SCYL2: variants seen among roughly 807,000 people sequenced by gnomAD.
SCYL2 encodes SCY1 like pseudokinase 2.
In SCYL2, 36 loss-of-function variants were observed where a neutral mutation model predicts 100.4. The ratio of observed to expected loss-of-function variants is 0.36; its 90% CI spans 0.27 to 0.47. The LOEUF (loss-of-function observed/expected upper bound fraction) is 0.47, where lower values mean the gene tolerates loss of function less well. Ranked by LOEUF, SCYL2 falls within the 20% of genes least tolerant of loss-of-function variation. The probability of loss-of-function intolerance (pLI) is 1.00; values close to 1 mark genes in which losing one functional copy is unlikely to be tolerated. For synonymous variants in SCYL2, 330 were observed against 359.2 expected (o/e 0.92, Z 0.92); for missense variants, 902 against 1,083.9 (o/e 0.83, Z 2.36).
In SCYL2 at chr12:100,315,557, G is replaced by T; in HGVS notation, c.1096-1G>T. On this transcript the variant is annotated splice_acceptor_variant, in intron 8 of 17. Coordinates refer to ENST00000360820, the MANE Select transcript of SCYL2 (RefSeq NM_017988.6). LOFTEE classifies it high-confidence loss of function. ...TTTTAAAAAACATTTTTGCCTTTCA[G>T]CGTGTCATTGTGCAGAGAATTTTGC... The T allele has an allele frequency of 6.4e-7, 1 of 1,567,846 alleles. No individual in the cohort carries two copies. Among genetic ancestry groups the T allele is most frequent in the Non-Finnish European group, 8.6e-7 (1 of 1,161,040 alleles).
At position 100,335,139 on chromosome 12, in the gene SCYL2, G is replaced by A. The variant is rs554703019; in HGVS notation, c.1863-486G>A. Among the ~76,000 whole-genome samples, 7 of 152,118 alleles carry A rather than the reference G, an allele frequency of 4.6e-5. No individual in the cohort carries two copies. In the South Asian group the frequency reaches 1.5e-3, roughly 32 times the overall value. ...TAATTTTTAAAATGCATTATAGGTA[G>A]AAATAAATTTTTAATAACAAGTATT... On this transcript the variant is annotated intron_variant, in intron 14 of 17. Transcript: ENST00000360820.
In SCYL2 at chr12:100,337,374, A is replaced by G. The variant is rs376803519; in HGVS notation, c.2026-13A>G. 8.8e-6 allele frequency: 14 copies of G among 1,597,410 alleles called. No homozygotes were observed. Among genetic ancestry groups the G allele is most frequent in the Non-Finnish European group, 1.1e-5 (13 of 1,175,960 alleles). ...AAATTGCCGGTTGATTTTTTGCTTT[A>G]TTTTGTTTTAAGGCATCACTTACAC... On this transcript the variant is annotated splice_polypyrimidine_tract_variant and intron_variant, in intron 16 of 17. Transcript: ENST00000360820.
At chr12:100,316,801 C>T (rs1047963860) in intron 9 of SCYL2, among the ~76,000 whole-genome samples, 10 of 152,108 alleles carry the variant, frequency 6.6e-5, no homozygotes, top group Non-Finnish European at 1.2e-4. Flanking sequence ...CTTAGTTGTC[C>T]AGTTAAAAAT....
rs530559015 is a variant in SCYL2, at chr12:100,323,762, G to A, written c.1509+124G>A. ...ATTTCATCTTGGCTGTAGATAACTT[G>A]TATATAGTACTATAAAAATGAGCTG... is the stretch of plus-strand genomic sequence containing the variant. On this transcript the variant is annotated intron_variant, in intron 11 of 17. Coordinates refer to ENST00000360820, the MANE Select transcript of SCYL2 (RefSeq NM_017988.6). 8 of 577,004 alleles carry A rather than the reference G, an allele frequency of 1.4e-5. No individual in the cohort carries two copies. In the Admixed American group the frequency reaches 1.7e-4, roughly 12 times the overall value. 35.7% of individuals were successfully genotyped at this position (577,004 alleles called of 1,614,324 possible).
chr12:100,294,946 C>T (rs1190078863), intron 3 of SCYL2, among the ~76,000 whole-genome samples: 6 of 148,056 alleles, frequency 4.1e-5, no homozygotes, highest in South Asian at 2.2e-4. Flanking sequence ...TCAGACGGGG[C>T]GGTTGCCAGG....
chr12:100,318,039 ATATT>A lies in SCYL2; in HGVS notation c.1395+118_1395+121del, dbSNP rs1051615643. 70 of 921,986 alleles carry A rather than the reference ATATT, an allele frequency of 7.6e-5. No homozygotes were observed. The African/African-American group carries it at 1.1e-3, about 14-fold the overall frequency. 57.1% of individuals were successfully genotyped at this position (921,986 alleles called of 1,614,324 possible). ...TAAAATACATAACTCAATAGTAAATATATTTATCTTTTGAATCACATTATTGATA... is the reference window on the plus strand; with the variant it reads ...TAAAATACATAACTCAATAGTAAATATATCTTTTGAATCACATTATTGATA... On this transcript the variant is annotated intron_variant, in intron 10 of 17. Transcript: ENST00000360820.
chr12:100,312,988 G>T (rs2096343998), intron 6 of SCYL2, among the ~76,000 whole-genome samples: 1 of 152,092 alleles, frequency 6.6e-6, no homozygotes, highest in East Asian at 1.9e-4. Context: ...AGCTGGGCTT[G>T]GTGGCACATG....
intron 2 of SCYL2, 80 bp from the exon 3 acceptor site, chr12:100,291,423 T>C: frequency 4.1e-6 from 4 of 963,920 alleles, no homozygotes; most frequent in Non-Finnish European, 6.0e-6. Context: ...ATGGCATAGT[T>C]ATTTGTAGAT....
intron 4 of SCYL2, among the ~76,000 whole-genome samples, chr12:100,300,035 T>G (rs534008272): frequency 2.0e-5 from 3 of 152,368 alleles, no homozygotes; most frequent in African/African-American, 7.2e-5. Context: ...ATCTTTGGTC[T>G]CTTTGGTATC....
intron 3 of SCYL2, chr12:100,291,886 A>G (rs998219263): frequency 2.2e-6 from 1 of 464,422 alleles, no homozygotes; most frequent in Non-Finnish European, 3.7e-6. Context: ...TCTGTACTTC[A>G]GTGGCTACCC....
chr12:100,307,006 A>G (rs1253356929), intron 4 of SCYL2, among the ~76,000 whole-genome samples: 1 of 152,216 alleles, frequency 6.6e-6, no homozygotes, highest in Non-Finnish European at 1.5e-5. Context: ...GACACAAACA[A>G]ATGGAAAAAC....
At chr12:100,277,527 C>G (rs1300439339) in intron 1 of SCYL2, among the ~76,000 whole-genome samples, 2 of 152,164 alleles carry the variant, frequency 1.3e-5, no homozygotes, top group Non-Finnish European at 2.9e-5. Flanking sequence ...TGTCTTCAAG[C>G]TTATTCTGTT....
At chr12:100,305,478 C>G (rs1296228065) in intron 4 of SCYL2, among the ~76,000 whole-genome samples, 1 of 152,110 alleles carries the variant, frequency 6.6e-6, no homozygotes, top group African/African-American at 2.4e-5. Flanking sequence ...CACAACATAC[C>G]AGAATCTCTG....
In SCYL2 at chr12:100,267,186, C is replaced by G. The variant is rs369842431; in HGVS notation, c.-635C>G. 7 of 1,218,138 alleles carry G rather than the reference C, an allele frequency of 5.7e-6. No homozygotes were observed. The highest frequency in any genetic ancestry group is 6.9e-6 in the Non-Finnish European group (6 of 871,490). The allele number at this position is 1,218,138 out of a possible 1,614,324, so 75.5% of individuals were successfully genotyped here. On this transcript the variant is annotated 5_prime_UTR_variant, in exon 1 of 18. Transcript: ENST00000360820. ...GGCCGGCAGGTCTTTTAGTCTTTTT[C>G]CCCCTCCCTTACTCTTCGTCCCCGG...
At chr12:100,327,766 G>A (rs556087515) in intron 12 of SCYL2, among the ~76,000 whole-genome samples, 24 of 151,872 alleles carry the variant, frequency 1.6e-4, no homozygotes, top group African/African-American at 4.3e-4. Context: ...CACCTGCCTC[G>A]GCCTCCCAAA....
chr12:100,319,032 C>T (rs1028383385), intron 10 of SCYL2, among the ~76,000 whole-genome samples: 1 of 152,106 alleles, frequency 6.6e-6, no homozygotes, highest in Non-Finnish European at 1.5e-5. Flanking sequence ...GTAGTAAAAG[C>T]TTATAGTCTC....
At chr12:100,332,278 C>T (rs1734608808) in intron 13 of SCYL2, among the ~76,000 whole-genome samples, 2 of 152,124 alleles carry the variant, frequency 1.3e-5, no homozygotes, top group African/African-American at 4.8e-5. Flanking sequence ...TACTCAAATT[C>T]CAAACTCCCA....
intron 16 of SCYL2, among the ~76,000 whole-genome samples, chr12:100,336,385 T>C (rs999097860): frequency 3.9e-5 from 6 of 152,138 alleles, no homozygotes; most frequent in African/African-American, 1.4e-4. Flanking sequence ...CCTCATCTTC[T>C]GTCATTTCAT....
chr12:100,330,852 G>C (rs1030480801), intron 13 of SCYL2, among the ~76,000 whole-genome samples: 8 of 136,042 alleles, frequency 5.9e-5, no homozygotes, highest in African/African-American at 2.2e-4. Context: ...TTTTTGAGAT[G>C]GAGTCTCGCC....
Sources: allele counts gnomAD v4.1 joint callset (sites outside exome capture counted in the v4.1 genomes callset), GRCh38; gene constraint gnomAD v4.1.1; transcripts MANE v1.5; gene names NCBI Gene and HGNC (gene_info 2026-07-23, HGNC 2026-07-21).